The following CCDC57 variants were observed in gnomAD, a reference collection of about 807,000 sequenced individuals.
CCDC57 encodes the protein coiled-coil domain containing 57, also known as coiled-coil domain-containing protein 57.
Under a neutral mutation model 118.9 loss-of-function variants are expected in CCDC57, and 118 were observed. The ratio of observed to expected loss-of-function variants is 0.99; its 90% confidence interval spans 0.86 to 1.16. CCDC57 has a LOEUF of 1.16. Among genes scored for constraint, CCDC57 ranks in the 50% most tolerant of loss-of-function variants. CCDC57 has a pLI of 0.00. For synonymous variants in CCDC57, 527 were observed against 532.9 expected, an observed-to-expected ratio of 0.99 and a Z score of 0.15; for missense variants, 1,300 against 1,320.7, an observed-to-expected ratio of 0.98 and a Z score of 0.24.
At chr17:82,165,208 AAAG>A (rs892482002) in intron 13 of CCDC57, among the ~76,000 whole-genome samples, 33 of 152,320 alleles carry the variant, frequency 2.2e-4, no homozygotes, top group Admixed American at 6.5e-4. Flanking sequence ...CAAACTATAA[AAAG>A]AAGAATCTAT....
chr17:82,123,289 G>A (rs926812151), intron 19 of CCDC57, among the ~76,000 whole-genome samples: 2 of 121,900 alleles, frequency 1.6e-5, no homozygotes, highest in Non-Finnish European at 1.7e-5. Flanking sequence ...CAGTGTGCCC[G>A]GCCCTTTTTT....
chr17:82,147,328 G>A lies in CCDC57; in HGVS notation c.2455+4232C>T, dbSNP rs939312543. On this transcript the variant is annotated intron_variant, in intron 16 of 19. Transcript: ENST00000665763. ...TGGGTGGGTGGGTGGATGGATGGGC[G>A]GATGGATAGATGGATGGGTGGGTTG... 1.1e-4 allele frequency among the ~76,000 whole-genome samples: 16 copies of A among 150,928 alleles called. No individual in the cohort carries two copies. In the Middle Eastern group the frequency reaches 0.01, roughly 98 times the overall value.
intron 13 of CCDC57, among the ~76,000 whole-genome samples, chr17:82,171,247 G>A (rs1317555524): frequency 9.2e-5 from 8 of 86,746 alleles, no homozygotes; most frequent in Admixed American, 1.4e-4. Context: ...CGGAGGGAGC[G>A]CGAGGAATTC....
At chr17:82,142,004 C>CAGTTCAGAACCAGT (rs1394803289) in intron 16 of CCDC57, among the ~76,000 whole-genome samples, 1 of 152,052 alleles carries the variant, frequency 6.6e-6, no homozygotes, top group Non-Finnish European at 1.5e-5. Flanking sequence ...CCAGTTCTGC[C>CAGTTCAGAACCAGT]TCCATCTGAA....
intron 19 of CCDC57, among the ~76,000 whole-genome samples, chr17:82,109,999 G>A (rs938269133): frequency 1.0e-5 from 1 of 99,020 alleles, no homozygotes; most frequent in African/African-American, 3.9e-5. Flanking sequence ...TTTTTTTTTT[G>A]AGACAGAGTC....
exon 8 of CCDC57, chr17:82,188,277 G>T (rs1324765642): frequency 1.3e-6 from 2 of 1,580,130 alleles, no homozygotes; most frequent in Admixed American, 3.6e-5. Context: ...TCTGCCCTGC[G>T]GAGCTGCGCC....
At chr17:82,143,524 GCACACACCCCACACGCA>G (rs1568240135) in intron 16 of CCDC57, among the ~76,000 whole-genome samples, 6 of 151,256 alleles carry the variant, frequency 4.0e-5, no homozygotes, top group Admixed American at 6.6e-5. Context: ...CCCCACACGC[GCACACACCCCACACGCA>G]CACACACGTG....
intron 3 of CCDC57, among the ~76,000 whole-genome samples, chr17:82,200,537 A>G (rs1042288556): frequency 1.3e-5 from 2 of 152,186 alleles, no homozygotes; most frequent in African/African-American, 2.4e-5. Context: ...TAATCCCAGC[A>G]CTTCAGGAAG....
chr17:82,187,720 G>A (rs866406526), intron 8 of CCDC57, among the ~76,000 whole-genome samples: 3 of 84,224 alleles, frequency 3.6e-5, no homozygotes, highest in South Asian at 5.1e-4. Flanking sequence ...GGGAGCCGGC[G>A]GGGCTCGGCG....
intron 19 of CCDC57, among the ~76,000 whole-genome samples, chr17:82,116,283 G>A (rs1045063423): frequency 1.3e-5 from 2 of 151,676 alleles, no homozygotes; most frequent in Non-Finnish European, 2.9e-5. Flanking sequence ...GGTGGGGAGT[G>A]AGGGTGGGAG....
chr17:82,193,226 G>A (rs2047887142), intron 7 of CCDC57, among the ~76,000 whole-genome samples: 1 of 152,084 alleles, frequency 6.6e-6, no homozygotes, highest in Non-Finnish European at 1.5e-5. Flanking sequence ...AAACATCACC[G>A]AGAAAGTCCA....
intron 19 of CCDC57, chr17:82,113,369 G>A (rs866792936): frequency 1.1e-5 from 8 of 716,880 alleles, no homozygotes; most frequent in Middle Eastern, 2.3e-4. Context: ...AGCGTGACCT[G>A]CTCTCTCAGT....
At chr17:82,157,617 G>A in intron 15 of CCDC57, 131 bp downstream of exon 14, 1 of 1,447,342 alleles carries the variant, frequency 6.9e-7, no homozygotes. Flanking sequence ...TCCAGGCACG[G>A]CCTTCACTGC....
At chr17:82,174,675 C>A (rs561291010) in intron 11 of CCDC57, among the ~76,000 whole-genome samples, 20 of 152,228 alleles carry the variant, frequency 1.3e-4, no homozygotes, top group Non-Finnish European at 2.4e-4. Context: ...GAGTTCGTGT[C>A]CGGCATAGCA....
intron 12 of CCDC57, 96 bp from the exon 12 acceptor site, chr17:82,171,949 T>C (rs2044798153): frequency 4.5e-6 from 6 of 1,328,418 alleles, no homozygotes. Flanking sequence ...TGCCAGCTCA[T>C]GCCCGCCAGC....
At chr17:82,193,428 C>T (rs56095560) in intron 7 of CCDC57, among the ~76,000 whole-genome samples, 72,262 of 151,644 alleles carry the variant, frequency 0.48, 17,988 homozygotes, top group East Asian at 0.88. Flanking sequence ...ACGCCTATAG[C>T]ACCAGCTATT....
intron 11 of CCDC57, among the ~76,000 whole-genome samples, chr17:82,175,196 A>G (rs1396003250): frequency 1.3e-5 from 2 of 152,258 alleles, no homozygotes; most frequent in Non-Finnish European, 2.9e-5. Context: ...ATTCTCCTGG[A>G]GAAACAGTCG....
chr17:82,117,759 A>AAACAAACAAACAAACC (rs1193853022), intron 19 of CCDC57, among the ~76,000 whole-genome samples: 1 of 152,056 alleles, frequency 6.6e-6, no homozygotes. Context: ...ACAAACAAAC[A>AAACAAACAAACAAACC]AACAAACCAT....
chr17:82,149,165 G>A (rs916697774), intron 16 of CCDC57, among the ~76,000 whole-genome samples: 1 of 147,980 alleles, frequency 6.8e-6, no homozygotes, highest in Non-Finnish European at 1.5e-5. Flanking sequence ...TAAATAGGTG[G>A]GTGGATGGAT....
Sources: allele counts gnomAD v4.1 joint callset (sites outside exome capture counted in the v4.1 genomes callset), GRCh38; gene constraint gnomAD v4.1.1; transcripts MANE v1.5; gene names NCBI Gene and HGNC (gene_info 2026-07-23, HGNC 2026-07-21).